The following CDC42BPA variants were observed in gnomAD, a reference collection of about 807,000 sequenced individuals.
CDC42BPA encodes serine/threonine-protein kinase MRCK alpha.
A neutral mutation model predicts 223.5 loss-of-function variants in CDC42BPA; 80 were observed. The observed-to-expected ratio is 0.36, with a 90% CI of 0.30 to 0.43. The LOEUF (loss-of-function observed/expected upper bound fraction) is 0.43. Among genes scored for constraint, CDC42BPA ranks in the 20% least tolerant of loss-of-function variants. The probability of loss-of-function intolerance (pLI) is 1.00; values close to 1 mark genes in which losing one functional copy is unlikely to be tolerated. For synonymous variants in CDC42BPA, 694 were observed against 718.6 expected, an observed-to-expected ratio of 0.97 and a Z score of 0.55; for missense variants, 1,743 against 2,099.9, an observed-to-expected ratio of 0.83 and a Z score of 3.32.
At chr1:227,076,541 G>GCCACCGCACCTGGC (rs1214845422) in intron 17 of CDC42BPA, among the ~76,000 whole-genome samples, 1 of 152,168 alleles carries the variant, frequency 6.6e-6, no homozygotes, top group Non-Finnish European at 1.5e-5. Context: ...ACAGGCGTGA[G>GCCACCGCACCTGGC]CCACCGCACC....
At chr1:227,134,074 G>T (rs1393660120) in intron 10 of CDC42BPA, among the ~76,000 whole-genome samples, 1 of 152,034 alleles carries the variant, frequency 6.6e-6, no homozygotes, top group African/African-American at 2.4e-5. Flanking sequence ...CATCTGTACA[G>T]CTTACTACTC....
chr1:226,998,030 G>C lies in CDC42BPA; in HGVS notation c.4976-3050C>G, dbSNP rs558683457. Among the ~76,000 whole-genome samples the C allele has an allele frequency of 3.9e-5, 6 of 152,226 alleles. No homozygotes were observed. In the East Asian group the frequency reaches 9.6e-4, roughly 24 times the overall value. ...AATAATAGAGAGCCAAATCATGAGT[G>C]AACTCCCATTACAATTGCTACAAAC... On this transcript the variant is annotated intron_variant, in intron 35 of 36. Coordinates refer to ENST00000366766, the MANE Select transcript of CDC42BPA (RefSeq NM_001394014.1).
chr1:227,158,681 C>G (rs756835639), intron 6 of CDC42BPA, among the ~76,000 whole-genome samples: 10 of 152,158 alleles, frequency 6.6e-5, no homozygotes, highest in Admixed American at 2.6e-4. Context: ...TGTTAGCTGG[C>G]TCTCCAGGGA....
chr1:227,309,203 CAAAAAAA>C (rs35336462), intron 1 of CDC42BPA, among the ~76,000 whole-genome samples: 3 of 130,044 alleles, frequency 2.3e-5, no homozygotes, highest in Admixed American at 8.0e-5. Context: ...CTATCTCTAC[CAAAAAAA>C]AAAAAAAAAA....
At chr1:227,240,947 CCACA>C (rs1286371759) in intron 2 of CDC42BPA, among the ~76,000 whole-genome samples, 5 of 151,886 alleles carry the variant, frequency 3.3e-5, no homozygotes, top group Non-Finnish European at 7.4e-5. Context: ...AATGAACAAA[CCACA>C]CAGTCTGAGA....
intron 1 of CDC42BPA, among the ~76,000 whole-genome samples, chr1:227,274,384 T>C (rs916717640): frequency 1.4e-4 from 22 of 152,212 alleles, no homozygotes; most frequent in Non-Finnish European, 5.9e-5. Context: ...AGAAAGTGAT[T>C]ACTTTCATAA....
Position 227,031,436 on chromosome 1 carries a change from T to C in CDC42BPA, c.3637A>G (p.Lys1213Glu), listed in dbSNP as rs1419373769. The change falls in exon 28 of 37, where the codon AAG becomes GAG. Residue 1213 changes from lysine (K) to glutamate (E), a missense_variant. Physicochemically the swap from Lys to Glu is moderately conservative, Grantham distance 56. Transcript: ENST00000366766. ...AATTCACTCAGCACTCCCACCCACTTATTCTTCTCATTCTCAGTGTCTGCT... is the reference window on the plus strand; with the variant it reads ...AATTCACTCAGCACTCCCACCCACTCATTCTTCTCATTCTCAGTGTCTGCT... ...MLADTENEKN[K>E]WVGVLSELHK... The C allele has an allele frequency of 6.2e-7, 1 of 1,614,128 alleles. No individual in the cohort carries two copies. Among genetic ancestry groups the C allele is most frequent in the African/African-American group, 1.3e-5 (1 of 75,056 alleles).
intron 21 of CDC42BPA, among the ~76,000 whole-genome samples, chr1:227,062,009 C>G (rs1192730454): frequency 1.3e-5 from 2 of 152,202 alleles, no homozygotes; most frequent in Non-Finnish European, 1.5e-5. Context: ...CAAAATGAAG[C>G]TGTCACCTTT....
chr1:227,039,974 G>A (rs1053977309), intron 24 of CDC42BPA, among the ~76,000 whole-genome samples, 157 bp downstream of exon 24: 2 of 152,086 alleles, frequency 1.3e-5, no homozygotes, highest in African/African-American at 2.4e-5. Context: ...CTAGTTTCTC[G>A]AACATTCAAC....
At chr1:227,262,070 G>A (rs1684177252) in intron 1 of CDC42BPA, among the ~76,000 whole-genome samples, 1 of 151,724 alleles carries the variant, frequency 6.6e-6, no homozygotes, top group Non-Finnish European at 1.5e-5. Flanking sequence ...ACTAAATGAG[G>A]AAATAGAACA....
Position 227,318,335 on chromosome 1 carries a change from G to C in CDC42BPA, c.-1153C>G, listed in dbSNP as rs1340283877. The C allele has an allele frequency of 1.3e-5, 2 of 152,648 alleles. No homozygotes were observed. 9.5% of individuals were successfully genotyped at this position (152,648 alleles called of 1,614,324 possible). On this transcript the variant is annotated 5_prime_UTR_variant, in exon 1 of 37. Coordinates refer to ENST00000366766, the MANE Select transcript of CDC42BPA (RefSeq NM_001394014.1). ...GTCGCTTCCGCGGCTGAGGAGACTAGAGGCTGCGGCAGCCCGGCTCCCAAC... is the reference window on the plus strand; with the variant it reads ...GTCGCTTCCGCGGCTGAGGAGACTACAGGCTGCGGCAGCCCGGCTCCCAAC...
chr1:227,171,736 C>T (rs572362753), intron 5 of CDC42BPA, among the ~76,000 whole-genome samples: 1 of 152,198 alleles, frequency 6.6e-6, no homozygotes, highest in East Asian at 1.9e-4. Flanking sequence ...ATATTACCCC[C>T]ATAAGACCAA....
At chr1:227,222,325 T>C (rs559445191) in intron 2 of CDC42BPA, among the ~76,000 whole-genome samples, 3 of 152,060 alleles carry the variant, frequency 2.0e-5, no homozygotes, top group South Asian at 2.1e-4. Flanking sequence ...CCTGGCCAAC[T>C]TGATGAAACC....
In CDC42BPA at chr1:227,028,753, G is replaced by A. The variant is rs777665307; in HGVS notation, c.4336C>T (p.Leu1446=). The A allele has an allele frequency of 1.2e-6, 2 of 1,614,026 alleles. No individual in the cohort carries two copies. The highest frequency in any genetic ancestry group is 1.7e-6 in the Non-Finnish European group (2 of 1,179,888). Residue 1446 remains leucine, a synonymous_variant, in exon 30 of 37, where the codon CTG becomes TTG. Coordinates refer to ENST00000366766, the MANE Select transcript of CDC42BPA (RefSeq NM_001394014.1). ...CAVEISSKEY[L]LCFNSIGIYT... is the part of the protein sequence containing the mutation. ...ATCCCAATGCTGTTAAAACACAGCA[G>A]ATATTCTTTACTGGAGATCTCAACT...
At position 227,269,683 on chromosome 1, in the gene CDC42BPA, A is replaced by T. The variant is rs1413394375; in HGVS notation, c.179-15528T>A. On this transcript the variant is annotated intron_variant, in intron 1 of 36. Transcript: ENST00000366766. The stretch of plus-strand genomic sequence containing the variant: ...TTACAAATCACTAAGAGAAATATTA[A>T]TATTAGAAAAATAGGCACTGGCAAT... Among the ~76,000 whole-genome samples, 3 of 152,158 alleles carry T rather than the reference A, an allele frequency of 2.0e-5. No homozygotes were observed. The East Asian group carries it at 5.8e-4, about 29-fold the overall frequency.
At chr1:227,062,416 C>T (rs1222862179) in intron 21 of CDC42BPA, among the ~76,000 whole-genome samples, 1 of 152,154 alleles carries the variant, frequency 6.6e-6, no homozygotes, top group African/African-American at 2.4e-5. Flanking sequence ...TTTGTATTCC[C>T]ATGATATACG....
intron 1 of CDC42BPA, among the ~76,000 whole-genome samples, chr1:227,295,191 C>A (rs538171484): frequency 4.6e-5 from 7 of 151,976 alleles, no homozygotes; most frequent in Non-Finnish European, 5.9e-5. Context: ...CTTTTTGATA[C>A]AGGTTCTCAC....
intron 10 of CDC42BPA, among the ~76,000 whole-genome samples, chr1:227,132,057 CTCAT>C (rs1657221400): frequency 6.6e-6 from 1 of 152,150 alleles, no homozygotes; most frequent in Admixed American, 6.5e-5. Context: ...GAAACTCTCT[CTCAT>C]GTGAAAAAAT....
chr1:227,153,111 A>G (rs554802343), intron 6 of CDC42BPA, among the ~76,000 whole-genome samples: 19 of 152,168 alleles, frequency 1.2e-4, no homozygotes, highest in South Asian at 1.0e-3. Flanking sequence ...ATTTACCATC[A>G]TAAGGATTTT....
Sources: gnomAD v4.1 joint callset for allele counts (sites outside exome capture counted in the v4.1 genomes callset) on GRCh38, gnomAD v4.1.1 for gene constraint, MANE v1.5 for transcripts, NCBI Gene and HGNC (gene_info 2026-07-23, HGNC 2026-07-21) for gene names.